The following EFR3A variants were observed in gnomAD, a reference collection of about 807,000 sequenced individuals.
The protein encoded by EFR3A is protein EFR3 homolog A.
EFR3A carries 76 observed loss-of-function variants against 104.4 expected under a neutral mutation model. That is an observed-to-expected ratio of 0.73 (90% CI 0.60 to 0.88). The LOEUF is 0.88. EFR3A is among the 40% of genes least tolerant of loss of function. The probability of loss-of-function intolerance (pLI) is 0.00; values close to 1 mark genes in which losing one functional copy is unlikely to be tolerated. For missense variants in EFR3A, 985 were observed against 1,012.5 expected (o/e 0.97, Z 0.37); for synonymous variants, 330 against 330.0 (o/e 1.00, Z 0.00).
intron 2 of EFR3A, 25 bp from the exon 3 acceptor site, chr8:131,944,720 C>T (rs1436248093): frequency 6.5e-7 from 1 of 1,528,852 alleles, no homozygotes; most frequent in African/African-American, 1.4e-5. Context: ...TATAGATAAT[C>T]TATTTATCTT....
intron 18 of EFR3A, among the ~76,000 whole-genome samples, chr8:131,993,804 C>G (rs773525369): frequency 4.6e-5 from 7 of 152,074 alleles, no homozygotes; most frequent in Non-Finnish European, 7.4e-5. Flanking sequence ...CTGCAATGAA[C>G]ATAGGCGTGT....
At chr8:131,960,145 T>G (rs922888948) in intron 8 of EFR3A, among the ~76,000 whole-genome samples, 1 of 152,186 alleles carries the variant, frequency 6.6e-6, no homozygotes, top group African/African-American at 2.4e-5. Context: ...TTCCAGATGC[T>G]TACCTTCTTG....
rs539171659 is a variant in EFR3A at position 131,908,025 on chromosome 8, A to G, written c.10+3703A>G. ...AATGATTATGTAGGTGGTAGGAGATAATGCTGGAGAAAGAGAAAGCCAGAA... is the reference window on the plus strand; with the variant it reads ...AATGATTATGTAGGTGGTAGGAGATGATGCTGGAGAAAGAGAAAGCCAGAA... On this transcript the variant is annotated intron_variant, in intron 1 of 22. Transcript: ENST00000254624. Among the ~76,000 whole-genome samples the G allele has an allele frequency of 3.2e-3, 493 of 151,846 alleles. 5 individuals are homozygous for G. The highest frequency in any genetic ancestry group is 0.031 in the Middle Eastern group (9 of 294).
At chr8:132,000,923 G>A (rs1821755089) in intron 19 of EFR3A, 1 of 152,120 alleles carries the variant, frequency 6.6e-6, no homozygotes, top group Non-Finnish European at 1.5e-5. Flanking sequence ...GACGTCTTTT[G>A]CTTTCATTAG....
At chr8:131,985,432 T>C (rs1245530230) in intron 16 of EFR3A, among the ~76,000 whole-genome samples, 2 of 152,188 alleles carry the variant, frequency 1.3e-5, no homozygotes, top group Non-Finnish European at 2.9e-5. Context: ...ATCTCAAAAG[T>C]TGAATAATTA....
At chr8:132,009,985 G>A (rs1822248541) in intron 22 of EFR3A, among the ~76,000 whole-genome samples, 1 of 151,898 alleles carries the variant, frequency 6.6e-6, no homozygotes, top group Non-Finnish European at 1.5e-5. Context: ...AGGATTAGAG[G>A]CAGTGGACTT....
intron 9 of EFR3A, among the ~76,000 whole-genome samples, chr8:131,969,644 T>C (rs1326723160): frequency 6.6e-6 from 1 of 152,128 alleles, no homozygotes; most frequent in Non-Finnish European, 1.5e-5. Context: ...TGTTCTTTTA[T>C]TGTCAAATAA....
chr8:131,951,915 T>C, intron 5 of EFR3A, among the ~76,000 whole-genome samples: 1 of 152,300 alleles, frequency 6.6e-6, no homozygotes, highest in South Asian at 2.1e-4. Flanking sequence ...TATATTTATA[T>C]TCTATTTTAA....
intron 17 of EFR3A, among the ~76,000 whole-genome samples, chr8:131,986,943 G>T (rs1468658878): frequency 6.6e-6 from 1 of 152,002 alleles, no homozygotes; most frequent in Non-Finnish European, 1.5e-5. Context: ...TCAGTAATAG[G>T]TAACAATACT....
chr8:131,988,343 G>A (rs1483659937), intron 18 of EFR3A, among the ~76,000 whole-genome samples: 1 of 152,006 alleles, frequency 6.6e-6, no homozygotes, highest in East Asian at 1.9e-4. Flanking sequence ...TTTTGTAAGT[G>A]AATTAGTTCT....
chr8:131,971,419 T>G (rs1820044008), intron 10 of EFR3A, among the ~76,000 whole-genome samples: 1 of 152,182 alleles, frequency 6.6e-6, no homozygotes, highest in Non-Finnish European at 1.5e-5. Context: ...CCGTGCGCGG[T>G]GGCTCACACC....
chr8:131,948,444 C>A (rs1818543670), intron 4 of EFR3A, among the ~76,000 whole-genome samples: 1 of 152,092 alleles, frequency 6.6e-6, no homozygotes, highest in Non-Finnish European at 1.5e-5. Context: ...GTTAAATAAA[C>A]CCTCATTCAA....
intron 1 of EFR3A, among the ~76,000 whole-genome samples, chr8:131,907,908 T>G (rs907340572): frequency 1.3e-5 from 2 of 152,010 alleles, no homozygotes; most frequent in African/African-American, 4.8e-5. Flanking sequence ...AATTTTCTTT[T>G]TTGCAGTGAC....
At chr8:131,960,975 C>T (rs534711823) in intron 8 of EFR3A, among the ~76,000 whole-genome samples, 70 of 152,274 alleles carry the variant, frequency 4.6e-4, no homozygotes, top group Middle Eastern at 6.8e-3. Context: ...CTCTGGCGAA[C>T]TCCCAACAGA....
intron 8 of EFR3A, among the ~76,000 whole-genome samples, chr8:131,963,973 C>CATGATTAT (rs1367450427): frequency 6.6e-6 from 1 of 152,166 alleles, no homozygotes; most frequent in Non-Finnish European, 1.5e-5. Flanking sequence ...ACAAAAACCG[C>CATGATTAT]ATGATTATCT....
intron 8 of EFR3A, among the ~76,000 whole-genome samples, chr8:131,962,783 A>T (rs1399746597): frequency 6.6e-6 from 1 of 152,206 alleles, no homozygotes; most frequent in Admixed American, 6.5e-5. Context: ...TCAGCACCAC[A>T]CCACACTTAT....
intron 1 of EFR3A, among the ~76,000 whole-genome samples, chr8:131,927,808 C>T (rs768602205): frequency 2.0e-5 from 3 of 151,740 alleles, no homozygotes; most frequent in Non-Finnish European, 2.9e-5. Context: ...AGAAAAAAAA[C>T]CAAAAAGTTA....
intron 7 of EFR3A, among the ~76,000 whole-genome samples, chr8:131,958,734 C>T (rs1819153826): frequency 6.6e-6 from 1 of 152,162 alleles, no homozygotes; most frequent in East Asian, 1.9e-4. Flanking sequence ...ACTTGAAAAA[C>T]TCATTCAACC....
intron 8 of EFR3A, among the ~76,000 whole-genome samples, chr8:131,967,662 A>G (rs1375724489): frequency 6.6e-6 from 1 of 150,398 alleles, no homozygotes; most frequent in South Asian, 2.1e-4. Context: ...ATCATTCACT[A>G]TGGTTGATCA....
Sources: gnomAD v4.1 joint callset for allele counts (sites outside exome capture counted in the v4.1 genomes callset) on GRCh38, gnomAD v4.1.1 for gene constraint, MANE v1.5 for transcripts, NCBI Gene and HGNC (gene_info 2026-07-23, HGNC 2026-07-21) for gene names.